Variants in MALL observed in about 807,000 individuals in gnomAD.
MALL encodes the protein mal, T cell differentiation protein like, also known as MAL-like protein.
Under a neutral mutation model 10.3 loss-of-function variants are expected in MALL, and 2 were observed. The ratio of observed to expected loss-of-function variants is 0.19; its 90% CI spans 0.08 to 0.61. The LOEUF is 0.61. MALL is among the 20% of genes least tolerant of loss of function. The pLI is 0.88. For missense variants in MALL, 39 were observed against 115.2 expected (o/e 0.34, Z 3.03); for synonymous variants, 27 against 51.8 (o/e 0.52, Z 2.05).
chr2:110,102,878 C>T (rs1678603699), intron 1 of MALL, among the ~76,000 whole-genome samples: 1 of 152,104 alleles, frequency 6.6e-6, no homozygotes, highest in Non-Finnish European at 1.5e-5. Flanking sequence ...GGACAGACTA[C>T]TAAAAAATGT....
intron 1 of MALL, among the ~76,000 whole-genome samples, chr2:110,098,082 G>A (rs539441945): frequency 6.6e-6 from 1 of 151,952 alleles, no homozygotes; most frequent in South Asian, 2.1e-4. Context: ...ATGTCCTGAA[G>A]GCTCCCTCTG....
rs558702378 is a variant in MALL, at chr2:110,096,695, C to G, written c.106-4925G>C. Among the ~76,000 whole-genome samples, 3 of 147,644 alleles carry G rather than the reference C, an allele frequency of 2.0e-5. No individual in the cohort carries two copies. In the Admixed American group the frequency reaches 2.0e-4, roughly 10 times the overall value. ...ATGAGTTGATGATGGCTTTGGTCAC[C>G]AAGAAAAATGTACCTACACACACAC... On this transcript the variant is annotated intron_variant, in intron 1 of 3. Transcript: ENST00000272462.
At chr2:110,099,332 CTG>C (rs1678513245) in intron 1 of MALL, among the ~76,000 whole-genome samples, 1 of 152,150 alleles carries the variant, frequency 6.6e-6, no homozygotes, top group South Asian at 2.1e-4. Context: ...ATGTCAATGA[CTG>C]TGAAAGTGCC....
In MALL at chr2:110,115,809, G is replaced by T; in HGVS notation, c.-17C>A. ...CGAGGCCATGCTGTCAGCCCCTGCC[G>T]GGTGCTCCGCGGCAGCTCGCCCGCG... On this transcript the variant is annotated 5_prime_UTR_variant, in exon 1 of 4. Coordinates refer to ENST00000272462, the MANE Select transcript of MALL (RefSeq NM_005434.5). The T allele has an allele frequency of 8.2e-7, 1 of 1,219,440 alleles. No homozygotes were observed. The highest frequency in any genetic ancestry group is 1.0e-6 in the Non-Finnish European group (1 of 961,330). 75.5% of individuals were successfully genotyped at this position (1,219,440 alleles called of 1,614,324 possible). A position where few individuals can be genotyped will look rare whatever the true frequency, so the allele number is the denominator to read the frequency against.
intron 1 of MALL, among the ~76,000 whole-genome samples, chr2:110,107,266 G>A (rs1374871279): frequency 6.6e-6 from 1 of 152,136 alleles, no homozygotes; most frequent in Non-Finnish European, 1.5e-5. Flanking sequence ...AGCCACCGGG[G>A]GAAGCTGGGG....
intron 1 of MALL, among the ~76,000 whole-genome samples, chr2:110,095,147 C>G (rs1031688743): frequency 5.3e-5 from 8 of 151,938 alleles, no homozygotes; most frequent in Non-Finnish European, 1.2e-4. Context: ...CTCAAGTAGT[C>G]TAGGTTGGAT....
In MALL at chr2:110,101,218, G is replaced by T. The variant is rs531761743; in HGVS notation, c.106-9448C>A. Among the ~76,000 whole-genome samples, 13 of 152,250 alleles carry T rather than the reference G, an allele frequency of 8.5e-5. No individual in the cohort carries two copies. The East Asian group carries it at 2.1e-3, about 25-fold the overall frequency. On this transcript the variant is annotated intron_variant, in intron 1 of 3. Coordinates refer to ENST00000272462, the MANE Select transcript of MALL (RefSeq NM_005434.5). The stretch of plus-strand genomic sequence containing the variant: ...GATGCTGGCTTTAAAAGGCAGAGGG[G>T]CATCCTCAGTTACCCAGTAGGGGTG...
At chr2:110,110,480 A>G (rs190466753) in intron 1 of MALL, among the ~76,000 whole-genome samples, 1 of 152,232 alleles carries the variant, frequency 6.6e-6, no homozygotes, top group East Asian at 1.9e-4. Flanking sequence ...GGAGAAGGAT[A>G]AATTCCTGGA....
At chr2:110,099,993 A>G (rs1271291850) in intron 1 of MALL, among the ~76,000 whole-genome samples, 3 of 151,952 alleles carry the variant, frequency 2.0e-5, no homozygotes, top group Admixed American at 1.3e-4. Flanking sequence ...CGGGTCGCCC[A>G]TACCCCTCAC....
intron 1 of MALL, among the ~76,000 whole-genome samples, chr2:110,115,132 A>G (rs1392313086): frequency 6.6e-6 from 1 of 152,154 alleles, no homozygotes; most frequent in African/African-American, 2.4e-5. Flanking sequence ...GACCCCACAA[A>G]AGTCAAAGTT....
At chr2:110,113,014 T>C (rs901052975) in intron 1 of MALL, among the ~76,000 whole-genome samples, 5 of 151,806 alleles carry the variant, frequency 3.3e-5, no homozygotes, top group Non-Finnish European at 7.4e-5. Flanking sequence ...AACTCAGGAA[T>C]GGAAAACCAA....
intron 1 of MALL, among the ~76,000 whole-genome samples, chr2:110,104,676 C>T (rs546730060): frequency 1.3e-5 from 2 of 152,200 alleles, no homozygotes; most frequent in South Asian, 4.1e-4. Context: ...ATCATCTTGT[C>T]CTGACACCAC....
At chr2:110,116,767 C>T (rs545354314), upstream of MALL, among the ~76,000 whole-genome samples, 89 of 152,184 alleles carry the variant, frequency 5.8e-4, 2 homozygotes, top group Non-Finnish European at 8.8e-4. Flanking sequence ...TTTGAATTGG[C>T]GAACCTTCAT....
At chr2:110,104,002 T>C (rs1303036546) in intron 1 of MALL, among the ~76,000 whole-genome samples, 1 of 151,966 alleles carries the variant, frequency 6.6e-6, no homozygotes, top group Non-Finnish European at 1.5e-5. Context: ...AGGAGAGAAG[T>C]GGGGGCTTCC....
chr2:110,115,917 C>G (rs556092957), upstream of MALL: 916 of 416,276 alleles, frequency 2.2e-3, 14 homozygotes, highest in African/African-American at 0.017. Flanking sequence ...ACGTTCCAGC[C>G]GAGCAGGTCC....
At chr2:110,114,228 T>G (rs1045894811) in intron 1 of MALL, among the ~76,000 whole-genome samples, 1 of 152,098 alleles carries the variant, frequency 6.6e-6, no homozygotes, top group Non-Finnish European at 1.5e-5. Flanking sequence ...CAACTCTTGG[T>G]GGCAGGCCTG....
rs144552167 is a variant in MALL, at chr2:110,114,367, C to T, written c.105+1321G>A. 2.6e-5 allele frequency among the ~76,000 whole-genome samples: 4 copies of T among 152,126 alleles called. No homozygotes were observed. The East Asian group carries it at 7.8e-4, about 30-fold the overall frequency. Reference sequence around the variant, plus strand: ...ACCACCAGGAGGCAGTGCCCTGTCACCAGGGGCTTGCAGGACTGACATGAA... The same window carrying T: ...ACCACCAGGAGGCAGTGCCCTGTCATCAGGGGCTTGCAGGACTGACATGAA... On this transcript the variant is annotated intron_variant, in intron 1 of 3. Coordinates refer to ENST00000272462, the MANE Select transcript of MALL (RefSeq NM_005434.5).
chr2:110,101,323 A>G (rs1349578373), intron 1 of MALL, among the ~76,000 whole-genome samples: 2 of 152,138 alleles, frequency 1.3e-5, no homozygotes, highest in African/African-American at 4.8e-5. Context: ...CTGCAGTTCA[A>G]CCTAGCACAC....
intron 1 of MALL, among the ~76,000 whole-genome samples, chr2:110,100,103 C>G (rs1302852561): frequency 6.6e-6 from 1 of 152,054 alleles, no homozygotes; most frequent in Non-Finnish European, 1.5e-5. Flanking sequence ...CCACCACTTC[C>G]CCCAGTCCTG....
Sources: gnomAD v4.1 joint callset for allele counts (sites outside exome capture counted in the v4.1 genomes callset) on GRCh38, gnomAD v4.1.1 for gene constraint, MANE v1.5 for transcripts, NCBI Gene and HGNC (gene_info 2026-07-23, HGNC 2026-07-21) for gene names.